Variants in CRYL1 observed in about 807,000 individuals in gnomAD.
The protein encoded by CRYL1 is lambda-crystallin homolog.
Under a neutral mutation model 36.6 loss-of-function variants are expected in CRYL1, and 29 were observed. That is an observed-to-expected ratio of 0.79 (90% CI 0.59 to 1.08). CRYL1 has a LOEUF of 1.08. Ranked by LOEUF, CRYL1 falls within the 50% of genes least tolerant of loss-of-function variation. The pLI is 0.00. For synonymous variants in CRYL1, 152 were observed against 151.5 expected (o/e 1.00, Z -0.02); for missense variants, 411 against 407.9 (o/e 1.01, Z -0.06).
intron 3 of CRYL1, among the ~76,000 whole-genome samples, chr13:20,459,662 A>T (rs949217646): frequency 6.6e-6 from 1 of 152,186 alleles, no homozygotes; most frequent in Non-Finnish European, 1.5e-5. Flanking sequence ...GTACACATAG[A>T]CACAAAGAGG....
chr13:20,486,077 C>T (rs1364184267), intron 3 of CRYL1, among the ~76,000 whole-genome samples: 2 of 135,306 alleles, frequency 1.5e-5, no homozygotes, highest in African/African-American at 6.2e-5. Flanking sequence ...TGCCACCACA[C>T]CCGGCTAAGT....
At chr13:20,427,208 C>T in intron 5 of CRYL1, 1 of 985,522 alleles carries the variant, frequency 1.0e-6, no homozygotes, top group Non-Finnish European at 1.2e-6. Flanking sequence ...GGGAGCACGC[C>T]TCCGGCAGGG....
intron 3 of CRYL1, among the ~76,000 whole-genome samples, chr13:20,447,157 A>G (rs565853452): frequency 6.6e-6 from 1 of 152,348 alleles, no homozygotes; most frequent in East Asian, 1.9e-4. Flanking sequence ...GACTACTATC[A>G]TAAATTTCTT....
intron 6 of CRYL1, among the ~76,000 whole-genome samples, chr13:20,412,072 G>A (rs2031537168): frequency 6.6e-6 from 1 of 152,166 alleles, no homozygotes; most frequent in South Asian, 2.1e-4. Flanking sequence ...CTCGCAGAGG[G>A]AGTTTCCTCT....
intron 2 of CRYL1, among the ~76,000 whole-genome samples, chr13:20,498,132 C>T (rs1392803165): frequency 6.6e-6 from 1 of 150,864 alleles, no homozygotes; most frequent in Non-Finnish European, 1.5e-5. Flanking sequence ...ATACACAGTA[C>T]ATACACACCA....
In CRYL1 at chr13:20,459,160, C is replaced by T. The variant is rs1013331911; in HGVS notation, c.277-19406G>A. 9.9e-5 allele frequency among the ~76,000 whole-genome samples: 14 copies of T among 141,248 alleles called. No individual in the cohort carries two copies. The East Asian group carries it at 1.1e-3, about 11-fold the overall frequency. 92.7% of individuals were successfully genotyped at this position (141,248 alleles called of 152,430 possible). A position where few individuals can be genotyped will look rare whatever the true frequency, so the allele number is the denominator to read the frequency against. ...CTGAGGCAGGAGAATGGCGTGATCC[C>T]GGGAGGCGGAGCTTGCAGTAAGCCG... is the stretch of plus-strand genomic sequence containing the variant. On this transcript the variant is annotated intron_variant, in intron 3 of 7. Coordinates refer to ENST00000298248, the MANE Select transcript of CRYL1 (RefSeq NM_015974.3).
chr13:20,413,836 T>C (rs536290158), intron 5 of CRYL1, among the ~76,000 whole-genome samples: 9 of 152,290 alleles, frequency 5.9e-5, no homozygotes, highest in African/African-American at 2.2e-4. Flanking sequence ...CAACCTATGA[T>C]AGTGTTTTGA....
At position 20,523,679 on chromosome 13, in the gene CRYL1, G is replaced by A. The variant is rs2034136331; in HGVS notation, c.41+2075C>T. On this transcript the variant is annotated intron_variant, in intron 1 of 7. Transcript: ENST00000298248. ...AAGGGAAGAAACCAGCACTGTCCCA[G>A]AGGCAGAGCTGGGTGTGTGCTGAAG... Among the ~76,000 whole-genome samples the A allele has an allele frequency of 2.0e-5, 3 of 152,216 alleles. No individual in the cohort carries two copies. In the South Asian group the frequency reaches 6.2e-4, roughly 32 times the overall value.
chr13:20,491,481 T>C (rs2033511285), intron 2 of CRYL1, among the ~76,000 whole-genome samples: 1 of 152,216 alleles, frequency 6.6e-6, no homozygotes, highest in African/African-American at 2.4e-5. Context: ...AACAAATTCC[T>C]TGAATTAGAG....
At chr13:20,408,061 T>C (rs1180778310) in intron 6 of CRYL1, among the ~76,000 whole-genome samples, 1 of 152,196 alleles carries the variant, frequency 6.6e-6, no homozygotes, top group Admixed American at 6.5e-5. Flanking sequence ...ATTCACCTGC[T>C]TTTTAGAGAC....
intron 3 of CRYL1, among the ~76,000 whole-genome samples, chr13:20,455,887 A>G (rs182978449): frequency 6.6e-6 from 1 of 152,352 alleles, no homozygotes; most frequent in Admixed American, 6.5e-5. Context: ...ATACTGTTAC[A>G]CTGACACATG....
chr13:20,497,671 C>G (rs2033635946), intron 2 of CRYL1, among the ~76,000 whole-genome samples: 1 of 149,578 alleles, frequency 6.7e-6, no homozygotes, highest in Non-Finnish European at 1.5e-5. Flanking sequence ...CACCACACTC[C>G]ACATACACAC....
intron 2 of CRYL1, among the ~76,000 whole-genome samples, 163 bp downstream of exon 2, chr13:20,512,280 A>T (rs2033929216): frequency 6.6e-6 from 1 of 152,254 alleles, no homozygotes; most frequent in Non-Finnish European, 1.5e-5. Flanking sequence ...TTCACATTCC[A>T]GCCACTGTAG....
rs765621875 is a variant in CRYL1, at chr13:20,435,111, G to A, written c.439-2815C>T. ...ATGGGTAGGAGGTTCAGTCTTATAA[G>A]AGGAGAAAGTTCCATGGATTGTTGG... On this transcript the variant is annotated intron_variant, in intron 4 of 7. Coordinates refer to ENST00000298248, the MANE Select transcript of CRYL1 (RefSeq NM_015974.3). The surrounding 1 kb of genome is among the most constrained non-coding windows in gnomAD (Gnocchi z 4.0). 2.0e-5 allele frequency among the ~76,000 whole-genome samples: 3 copies of A among 152,200 alleles called. No individual in the cohort carries two copies. Among genetic ancestry groups the A allele is most frequent in the Non-Finnish European group, 4.4e-5 (3 of 68,044 alleles).
At chr13:20,492,757 C>T (rs2033534803) in intron 2 of CRYL1, among the ~76,000 whole-genome samples, 1 of 152,188 alleles carries the variant, frequency 6.6e-6, no homozygotes, top group Admixed American at 6.5e-5. Context: ...CAAAGCTATG[C>T]CAAAAATCTG....
chr13:20,412,393 T>C (rs959560500), intron 6 of CRYL1, among the ~76,000 whole-genome samples: 1 of 152,134 alleles, frequency 6.6e-6, no homozygotes, highest in East Asian at 1.9e-4. Context: ...TTTCTATATG[T>C]TTTCTAAGTT....
At chr13:20,450,809 C>T (rs548138718) in intron 3 of CRYL1, among the ~76,000 whole-genome samples, 123 of 152,230 alleles carry the variant, frequency 8.1e-4, no homozygotes, top group African/African-American at 2.8e-3. Context: ...TTGGAACCAA[C>T]CCAAATGTCC....
chr13:20,446,083 T>A (rs1275430878), intron 3 of CRYL1, among the ~76,000 whole-genome samples: 1 of 152,170 alleles, frequency 6.6e-6, no homozygotes, highest in Non-Finnish European at 1.5e-5. Flanking sequence ...CCCAAAATAG[T>A]TTTCAGTAGA....
At chr13:20,473,863 A>T (rs1441209515) in intron 3 of CRYL1, among the ~76,000 whole-genome samples, 1 of 152,258 alleles carries the variant, frequency 6.6e-6, no homozygotes, top group Non-Finnish European at 1.5e-5. Context: ...GTCTCAGGAA[A>T]GTACCAAAAA....
Sources: allele counts gnomAD v4.1 joint callset (sites outside exome capture counted in the v4.1 genomes callset), GRCh38; gene constraint gnomAD v4.1.1; non-coding constraint Gnocchi (gnomAD v3.1); transcripts MANE v1.5; gene names NCBI Gene and HGNC (gene_info 2026-07-23, HGNC 2026-07-21).